Variants in LDLRAD4 observed in about 807,000 individuals in gnomAD.
LDLRAD4 encodes low density lipoprotein receptor class A domain containing 4.
In LDLRAD4, 5 loss-of-function variants were observed where a neutral mutation model predicts 17.0. That is an observed-to-expected ratio of 0.29 (90% CI 0.15 to 0.62). LDLRAD4 has a LOEUF of 0.62. Among genes scored for constraint, LDLRAD4 ranks in the 20% least tolerant of loss-of-function variants. The pLI is 0.84. For missense variants in LDLRAD4, 340 were observed against 424.7 expected, an observed-to-expected ratio of 0.80 and a Z score of 1.75; for synonymous variants, 168 against 171.8, an observed-to-expected ratio of 0.98 and a Z score of 0.17.
intron 1 of LDLRAD4, among the ~76,000 whole-genome samples, chr18:13,298,526 G>A (rs1360017651): frequency 1.4e-5 from 2 of 147,342 alleles, no homozygotes; most frequent in Non-Finnish European, 3.0e-5. Context: ...GGTGATGGGA[G>A]CTGCTCTGGG....
chr18:13,571,112 G>A (rs1786490), intron 3 of LDLRAD4, among the ~76,000 whole-genome samples: 6 of 152,038 alleles, frequency 3.9e-5, no homozygotes, highest in African/African-American at 1.4e-4. Context: ...GAGCCACCAC[G>A]CCTGGCATGC....
At chr18:13,499,161 G>A (rs574685581) in intron 3 of LDLRAD4, among the ~76,000 whole-genome samples, 67 of 115,802 alleles carry the variant, frequency 5.8e-4, no homozygotes, top group Middle Eastern at 9.3e-3. Flanking sequence ...CACACACGTC[G>A]CGCCGTGGAC....
intron 1 of LDLRAD4, among the ~76,000 whole-genome samples, chr18:13,366,704 G>A (rs942116969): frequency 2.0e-5 from 3 of 152,098 alleles, no homozygotes; most frequent in African/African-American, 4.8e-5. Context: ...GAAGTCATTC[G>A]GGGGTGGAGG....
chr18:13,474,297 C>T (rs2092877696), intron 3 of LDLRAD4, among the ~76,000 whole-genome samples: 1 of 152,134 alleles, frequency 6.6e-6, no homozygotes, highest in Non-Finnish European at 1.5e-5. Context: ...AGCCGCTAAG[C>T]CGTGAGGAAT....
intron 4 of LDLRAD4, among the ~76,000 whole-genome samples, chr18:13,632,806 T>C (rs914240527): frequency 2.6e-5 from 4 of 152,276 alleles, no homozygotes; most frequent in Admixed American, 2.6e-4. Context: ...AGAAGCTTCA[T>C]TGAGCAACAG....
chr18:13,305,204 T>C (rs953675840), intron 1 of LDLRAD4, among the ~76,000 whole-genome samples: 1 of 152,200 alleles, frequency 6.6e-6, no homozygotes, highest in Non-Finnish European at 1.5e-5. Flanking sequence ...GCGTACCTGT[T>C]ATAAAAAGTT....
chr18:13,227,780 G>A (rs1299613432), intron 1 of LDLRAD4, among the ~76,000 whole-genome samples: 2 of 152,206 alleles, frequency 1.3e-5, no homozygotes, highest in Non-Finnish European at 2.9e-5. Flanking sequence ...CAGATCTCGT[G>A]AGAACTCACT....
At chr18:13,320,194 G>A (rs947228078) in intron 1 of LDLRAD4, among the ~76,000 whole-genome samples, 10 of 152,160 alleles carry the variant, frequency 6.6e-5, no homozygotes, top group East Asian at 1.9e-4. Flanking sequence ...AGAATGCTGC[G>A]CCTCTGAGGG....
chr18:13,448,804 C>T (rs889552898), intron 3 of LDLRAD4, among the ~76,000 whole-genome samples: 4 of 152,118 alleles, frequency 2.6e-5, no homozygotes, highest in African/African-American at 9.7e-5. Flanking sequence ...TGGAAGGGAC[C>T]ATCTTTGAGT....
rs117946288 is a variant in LDLRAD4 at position 13,483,430 on chromosome 18, A to G, written c.181+45046A>G. Reference sequence around the variant, plus strand: ...ACTTGTGCTGCCCCTGCCTGGACAGACCCCTGGACCCGGGGGTCATGTCAG... The same window carrying G: ...ACTTGTGCTGCCCCTGCCTGGACAGGCCCCTGGACCCGGGGGTCATGTCAG... On this transcript the variant is annotated intron_variant, in intron 3 of 5. Coordinates refer to ENST00000359446, the Ensembl canonical transcript of LDLRAD4. Among the ~76,000 whole-genome samples the G allele has an allele frequency of 2.4e-4, 37 of 152,186 alleles. 1 individual carries two copies. In the East Asian group the frequency reaches 7.0e-3, roughly 29 times the overall value.
chr18:13,472,222 T>G (rs1466826732), intron 3 of LDLRAD4: 1 of 152,400 alleles, frequency 6.6e-6, no homozygotes, highest in East Asian at 1.9e-4. Flanking sequence ...GTCTTTGAAG[T>G]CCCTGCAACC....
intron 1 of LDLRAD4, among the ~76,000 whole-genome samples, chr18:13,372,759 C>T (rs1005493831): frequency 2.0e-5 from 3 of 152,170 alleles, no homozygotes; most frequent in African/African-American, 7.2e-5. Context: ...TGCTCCATGT[C>T]CTGGGCAGGG....
intron 3 of LDLRAD4, among the ~76,000 whole-genome samples, chr18:13,502,318 C>T (rs1356206389): frequency 1.3e-5 from 2 of 152,232 alleles, no homozygotes; most frequent in East Asian, 3.9e-4. Flanking sequence ...GATTCACCAG[C>T]TCTTGGGACT....
chr18:13,337,565 T>C (rs1186616612), intron 1 of LDLRAD4, among the ~76,000 whole-genome samples: 1 of 152,082 alleles, frequency 6.6e-6, no homozygotes, highest in African/African-American at 2.4e-5. Flanking sequence ...ACTTGATCAG[T>C]GTTACCCAGC....
At chr18:13,496,741 G>C (rs969813592) in intron 3 of LDLRAD4, among the ~76,000 whole-genome samples, 3 of 138,784 alleles carry the variant, frequency 2.2e-5, no homozygotes, top group Non-Finnish European at 3.4e-5. Context: ...GGGAGGGAAA[G>C]GGTGTGATTT....
At chr18:13,345,414 G>A (rs1422022678) in intron 1 of LDLRAD4, among the ~76,000 whole-genome samples, 1 of 152,198 alleles carries the variant, frequency 6.6e-6, no homozygotes, top group Non-Finnish European at 1.5e-5. Flanking sequence ...AACCAGCCTT[G>A]CATCCCAGGG....
intron 3 of LDLRAD4, among the ~76,000 whole-genome samples, chr18:13,617,832 G>A (rs1188529140): frequency 6.6e-6 from 1 of 152,096 alleles, no homozygotes; most frequent in Non-Finnish European, 1.5e-5. Context: ...TTAAAAGGGC[G>A]AGTCTCCAGG....
chr18:13,624,164 T>G (rs2040905083), intron 4 of LDLRAD4, among the ~76,000 whole-genome samples: 2 of 91,460 alleles, frequency 2.2e-5, no homozygotes, highest in Non-Finnish European at 1.8e-5. Context: ...CCCCACCAGG[T>G]GCTGAGCACT....
At chr18:13,221,314 C>T (rs2041441140) in intron 1 of LDLRAD4, among the ~76,000 whole-genome samples, 1 of 152,200 alleles carries the variant, frequency 6.6e-6, no homozygotes, top group Admixed American at 6.5e-5. Context: ...CTGTCTCCTT[C>T]CCTCTCTCCC....
Sources: allele counts gnomAD v4.1 joint callset (sites outside exome capture counted in the v4.1 genomes callset), GRCh38; gene constraint gnomAD v4.1.1; transcripts MANE v1.5; gene names NCBI Gene and HGNC (gene_info 2026-07-23, HGNC 2026-07-21).